GATA4: variants seen among roughly 807,000 people sequenced by gnomAD.
GATA4 encodes GATA binding protein 4.
In GATA4, 7 loss-of-function variants were observed where a neutral mutation model predicts 37.9. The ratio of observed to expected loss-of-function variants is 0.18; its 90% CI spans 0.11 to 0.35. The LOEUF is 0.35. Among genes scored for constraint, GATA4 ranks in the 10% least tolerant of loss-of-function variants. The pLI is 1.00. For missense variants in GATA4, 647 were observed against 653.0 expected (o/e 0.99, Z 0.10); for synonymous variants, 372 against 292.6 (o/e 1.27, Z -2.77).
rs1802207679 is a variant in GATA4 at position 11,749,833 on chromosome 8, A to T, written c.787-278A>T. On this transcript the variant is annotated intron_variant, in intron 3 of 6. Transcript: ENST00000532059. This position sits in a 1 kb window ranked among gnomAD's most constrained non-coding sequence, Gnocchi z 4.6. ...CGGCAGTGCCCGGCGCTCACTGGTT[A>T]TTCGCCTGACGGTGAATGATGGTTA... 6.6e-6 allele frequency among the ~76,000 whole-genome samples: 1 copy of T among 152,208 alleles called. No homozygotes were observed. The highest frequency in any genetic ancestry group is 6.5e-5 in the Admixed American group (1 of 15,286).
chr8:11,747,511 T>C (rs1361033869), intron 2 of GATA4, among the ~76,000 whole-genome samples: 2 of 152,154 alleles, frequency 1.3e-5, no homozygotes, highest in African/African-American at 4.8e-5. Flanking sequence ...TATATACCAA[T>C]AAGCAAGAAA....
At position 11,708,935 on chromosome 8, in the gene GATA4, A is replaced by G; in HGVS notation, c.616+7A>G. 6.6e-7 allele frequency: 1 copy of G among 1,522,358 alleles called. No homozygotes were observed. The highest frequency in any genetic ancestry group is 2.5e-5 in the East Asian group (1 of 39,914). The allele number at this position is 1,522,358 out of a possible 1,614,324, so 94.3% of individuals were successfully genotyped here. A position where few individuals can be genotyped will look rare whatever the true frequency, so the allele number is the denominator to read the frequency against. ...GCCCGACACCCCAATCTCGGTGAGT[A>G]GGAGCGCGAGGGCTGGGGCGCGTGA... On this transcript the variant is annotated splice_region_variant and intron_variant, in intron 2 of 6. Coordinates refer to ENST00000532059, the MANE Select transcript of GATA4 (RefSeq NM_001308093.3). The surrounding 1 kb of genome is among the most constrained non-coding windows in gnomAD (Gnocchi z 6.7).
chr8:11,705,704 G>T (rs1799861866), intron 1 of GATA4, among the ~76,000 whole-genome samples: 1 of 152,204 alleles, frequency 6.6e-6, no homozygotes, highest in African/African-American at 2.4e-5. Context: ...TTTCCAGAAA[G>T]TTATAGAGGA....
At chr8:11,730,459 G>A (rs932182741) in intron 2 of GATA4, among the ~76,000 whole-genome samples, 6 of 152,226 alleles carry the variant, frequency 3.9e-5, no homozygotes, top group Non-Finnish European at 8.8e-5. Flanking sequence ...ACTAAAAATC[G>A]GAATAGAATG....
In GATA4 at chr8:11,754,362, A is replaced by G. The variant is rs574643054; in HGVS notation, c.913-684A>G. 7.9e-4 allele frequency among the ~76,000 whole-genome samples: 121 copies of G among 152,302 alleles called. 1 individual carries two copies. In the Middle Eastern group the frequency reaches 0.01, roughly 13 times the overall value. Reference sequence around the variant, plus strand: ...CTTCTGAGTAGCTGGGACTACAGGCATGCAGCACCGTGCCCAGCTAATTTT... The same window carrying G: ...CTTCTGAGTAGCTGGGACTACAGGCGTGCAGCACCGTGCCCAGCTAATTTT... On this transcript the variant is annotated intron_variant, in intron 4 of 6. Transcript: ENST00000532059.
intron 4 of GATA4, among the ~76,000 whole-genome samples, chr8:11,752,521 C>T (rs1027646508): frequency 2.6e-5 from 4 of 152,170 alleles, no homozygotes; most frequent in Admixed American, 6.5e-5. Context: ...TGGGAGAAAC[C>T]GCCCCTGTGA....
At chr8:11,744,417 C>G (rs985835789) in intron 2 of GATA4, among the ~76,000 whole-genome samples, 1 of 152,204 alleles carries the variant, frequency 6.6e-6, no homozygotes, top group Non-Finnish European at 1.5e-5. Context: ...GAGGAGTTCC[C>G]GGGATGCCAG....
upstream of GATA4, among the ~76,000 whole-genome samples, chr8:11,690,388 A>G (rs1242392590): frequency 1.3e-5 from 2 of 152,228 alleles, no homozygotes; most frequent in African/African-American, 4.8e-5. Context: ...ACTGGAAAAT[A>G]CAAAGATGTC....
At chr8:11,680,185 G>C (rs1271743927) in intron 1 of GATA4, among the ~76,000 whole-genome samples, 2 of 152,182 alleles carry the variant, frequency 1.3e-5, no homozygotes, top group Non-Finnish European at 1.5e-5. Flanking sequence ...GGCCGCTCTG[G>C]GGCCGCTTAA....
At chr8:11,713,415 A>G (rs1800287589) in intron 2 of GATA4, among the ~76,000 whole-genome samples, 2 of 151,950 alleles carry the variant, frequency 1.3e-5, no homozygotes, top group African/African-American at 4.8e-5. Context: ...CTTGGTGGTA[A>G]TTGCCCCAGG....
chr8:11,754,745 A>C (rs371688097), intron 4 of GATA4, among the ~76,000 whole-genome samples: 1 of 152,120 alleles, frequency 6.6e-6, no homozygotes, highest in Admixed American at 6.6e-5. Flanking sequence ...CACCGACCAG[A>C]GTCTGGTTAT....
upstream of GATA4, chr8:11,700,672 C>G (rs1328867008): frequency 1.3e-5 from 2 of 152,302 alleles, no homozygotes; most frequent in Non-Finnish European, 2.9e-5. Context: ...TGTTGCAGGA[C>G]TCGGCATTCG....
chr8:11,711,121 AC>A (rs1047242846), intron 2 of GATA4, among the ~76,000 whole-genome samples: 1 of 152,158 alleles, frequency 6.6e-6, no homozygotes, highest in Non-Finnish European at 1.5e-5. Context: ...CAAACAAAAA[AC>A]CGAAATACCA....
intron 4 of GATA4, among the ~76,000 whole-genome samples, chr8:11,751,618 A>G (rs1474501612): frequency 6.6e-6 from 1 of 152,236 alleles, no homozygotes; most frequent in African/African-American, 2.4e-5. Flanking sequence ...TAAGAAAAGA[A>G]CAATTGATCT....
At chr8:11,705,347 C>G (rs1422312255) in intron 1 of GATA4, among the ~76,000 whole-genome samples, 2 of 152,218 alleles carry the variant, frequency 1.3e-5, no homozygotes, top group African/African-American at 2.4e-5. Context: ...CTTGGTTGTG[C>G]CGGCTAGCGT....
chr8:11,708,820 G>C lies in GATA4; in HGVS notation c.508G>C (p.Gly170Arg), dbSNP rs1800024355. Residue 170 changes from glycine (G) to arginine (R), a missense_variant, in exon 2 of 7, where the codon GGC (glycine) becomes CGC (arginine). Gly to Arg is a moderately radical substitution (Grantham distance 125, BLOSUM62 -2). Coordinates refer to ENST00000532059, the MANE Select transcript of GATA4 (RefSeq NM_001308093.3). The surrounding 1 kb of genome is among the most constrained non-coding windows in gnomAD (Gnocchi z 6.7). ...CTACCCGGCTTACATGGCCGACGTG[G>C]GCGCGTCCTGGGCCGCAGCCGCCGC... ...SPYPAYMADV[G>R]ASWAAAAAAS... is the part of the protein sequence containing the mutation. 1.3e-6 allele frequency: 2 copies of C among 1,485,960 alleles called. No homozygotes were observed. Among genetic ancestry groups the C allele is most frequent in the Non-Finnish European group, 1.8e-6 (2 of 1,125,500 alleles). The allele number at this position is 1,485,960 out of a possible 1,614,324, so 92.0% of individuals were successfully genotyped here.
chr8:11,750,497 T>A (rs987687195), intron 4 of GATA4, among the ~76,000 whole-genome samples: 14 of 152,204 alleles, frequency 9.2e-5, no homozygotes, highest in African/African-American at 3.4e-4. Context: ...ATTCAGTGGA[T>A]AAGAAGCTTA....
chr8:11,749,953 A>C lies in GATA4; in HGVS notation c.787-158A>C, dbSNP rs1277204266. Among the ~76,000 whole-genome samples the C allele has an allele frequency of 6.6e-6, 1 of 152,180 alleles. No homozygotes were observed. The highest frequency in any genetic ancestry group is 2.4e-5 in the African/African-American group (1 of 41,456). On this transcript the variant is annotated intron_variant, in intron 3 of 6. Transcript: ENST00000532059. This position sits in a 1 kb window ranked among gnomAD's most constrained non-coding sequence, Gnocchi z 4.6. ...TCCTCGCAGTGGCGCAGGTGACAGG[A>C]GAGTTAGGTGCCGTCACAGGTCAGA...
intron 2 of GATA4, among the ~76,000 whole-genome samples, chr8:11,714,360 G>GT (rs1198280821): frequency 6.6e-6 from 1 of 152,134 alleles, no homozygotes; most frequent in Non-Finnish European, 1.5e-5. Flanking sequence ...TGTTCTCAGA[G>GT]TTTTTTTATG....
Sources: gnomAD v4.1 joint callset for allele counts (sites outside exome capture counted in the v4.1 genomes callset) on GRCh38, gnomAD v4.1.1 for gene constraint, Gnocchi (gnomAD v3.1) non-coding constraint, MANE v1.5 for transcripts, NCBI Gene and HGNC (gene_info 2026-07-23, HGNC 2026-07-21) for gene names.